NRG2: variants seen among roughly 807,000 people sequenced by gnomAD.
The protein encoded by NRG2 is pro-neuregulin-2, membrane-bound isoform.
Under a neutral mutation model 73.9 loss-of-function variants are expected in NRG2, and 27 were observed. That is an observed-to-expected ratio of 0.37 (90% confidence interval 0.27 to 0.50). The LOEUF (loss-of-function observed/expected upper bound fraction) is 0.50. Ranked by LOEUF, NRG2 falls within the 20% of genes least tolerant of loss-of-function variation. The probability of loss-of-function intolerance (pLI) is 0.96; values close to 1 mark genes in which losing one functional copy is unlikely to be tolerated. For synonymous variants in NRG2, 532 were observed against 541.0 expected (o/e 0.98, Z 0.23); for missense variants, 1,126 against 1,210.1 (o/e 0.93, Z 1.03).
At chr5:139,866,734 C>T (rs1250650529) in intron 4 of NRG2, among the ~76,000 whole-genome samples, 1 of 152,184 alleles carries the variant, frequency 6.6e-6, no homozygotes, top group Non-Finnish European at 1.5e-5. Flanking sequence ...TAAAGCACCC[C>T]CCACTCAATC....
chr5:139,850,838 C>T (rs1054896044), intron 9 of NRG2, among the ~76,000 whole-genome samples: 2 of 152,192 alleles, frequency 1.3e-5, no homozygotes, highest in Non-Finnish European at 2.9e-5. Flanking sequence ...TCTTGGCTCA[C>T]GTCCATCTTG....
At chr5:139,986,895 T>C (rs1757210209) in intron 1 of NRG2, among the ~76,000 whole-genome samples, 2 of 152,214 alleles carry the variant, frequency 1.3e-5, no homozygotes, top group African/African-American at 4.8e-5. Flanking sequence ...GGTAATTAAT[T>C]AATTCTTTTA....
chr5:139,974,826 C>A (rs1017641355), intron 1 of NRG2, among the ~76,000 whole-genome samples: 4 of 152,188 alleles, frequency 2.6e-5, no homozygotes, highest in African/African-American at 9.7e-5. Context: ...GTGCTCCTAC[C>A]TTTAGGGGGC....
chr5:139,855,382 T>C (rs1189709145), intron 6 of NRG2, among the ~76,000 whole-genome samples: 2 of 152,210 alleles, frequency 1.3e-5, no homozygotes, highest in Non-Finnish European at 2.9e-5. Context: ...CAAGGTTACA[T>C]GGGAAATAGC....
intron 1 of NRG2, among the ~76,000 whole-genome samples, chr5:139,964,247 C>G (rs1053363430): frequency 6.6e-6 from 1 of 152,176 alleles, no homozygotes; most frequent in Non-Finnish European, 1.5e-5. Flanking sequence ...AATTCCCAGC[C>G]TGGCCCTCCA....
chr5:139,928,821 G>GA (rs1205115912), intron 1 of NRG2, among the ~76,000 whole-genome samples: 2 of 152,178 alleles, frequency 1.3e-5, no homozygotes, highest in African/African-American at 4.8e-5. Context: ...CACTTGAGCT[G>GA]AAAATCCAGA....
At chr5:139,938,751 C>T (rs2126409500) in intron 1 of NRG2, among the ~76,000 whole-genome samples, 1 of 149,562 alleles carries the variant, frequency 6.7e-6, no homozygotes, top group Middle Eastern at 3.4e-3. Context: ...TGATTGTTGA[C>T]AAAGGTTTTA....
intron 1 of NRG2, among the ~76,000 whole-genome samples, chr5:139,997,448 TC>T (rs1758106902): frequency 6.6e-6 from 1 of 152,232 alleles, no homozygotes; most frequent in Non-Finnish European, 1.5e-5. Flanking sequence ...CAGTGCTGGC[TC>T]TAAGGGGTTA....
chr5:139,851,281 C>T lies in NRG2; in HGVS notation c.1772+323G>A, dbSNP rs1375952321. ...GGATTACAGGTGTGAGCCACCGCGCCCGGCTGCCTGTTTGTTCTTGATGTT... is the reference window on the plus strand; with the variant it reads ...GGATTACAGGTGTGAGCCACCGCGCTCGGCTGCCTGTTTGTTCTTGATGTT... On this transcript the variant is annotated intron_variant, in intron 9 of 9. Transcript: ENST00000361474. The surrounding 1 kb of genome is among the most constrained non-coding windows in gnomAD (Gnocchi z 4.2). Among the ~76,000 whole-genome samples the T allele has an allele frequency of 6.6e-6, 1 of 152,158 alleles. No individual in the cohort carries two copies. Among genetic ancestry groups the T allele is most frequent in the African/African-American group, 2.4e-5 (1 of 41,422 alleles).
At chr5:139,900,190 C>T (rs1443068919) in intron 1 of NRG2, among the ~76,000 whole-genome samples, 1 of 152,206 alleles carries the variant, frequency 6.6e-6, no homozygotes, top group African/African-American at 2.4e-5. Context: ...TCATTCCTCT[C>T]CTCACCAGAT....
intron 1 of NRG2, among the ~76,000 whole-genome samples, chr5:139,972,665 AG>A (rs1756061672): frequency 6.6e-6 from 1 of 152,246 alleles, no homozygotes; most frequent in Non-Finnish European, 1.5e-5. Flanking sequence ...CAGAGGTCAC[AG>A]TGAGCCGAGA....
intron 5 of NRG2, chr5:139,864,952 C>T: frequency 2.8e-6 from 2 of 717,076 alleles, no homozygotes; most frequent in Non-Finnish European, 5.2e-6. Flanking sequence ...GGAGGTACAG[C>T]CCACATGTGG....
At chr5:139,957,307 C>CTGTGTGTGTG (rs70988722) in intron 1 of NRG2, among the ~76,000 whole-genome samples, 3 of 143,888 alleles carry the variant, frequency 2.1e-5, no homozygotes, top group East Asian at 2.1e-4. Context: ...TCAAGAATCT[C>CTGTGTGTGTG]TGTGTGTGTG....
chr5:139,972,148 G>A (rs952711970), intron 1 of NRG2, among the ~76,000 whole-genome samples: 8 of 152,308 alleles, frequency 5.3e-5, no homozygotes, highest in Admixed American at 5.2e-4. Context: ...CATGTAGAAT[G>A]TTAAGTGACA....
In NRG2 at chr5:140,042,733, A is replaced by G. The variant is rs1287966894; in HGVS notation, c.337T>C (p.Tyr113His). Residue 113 changes from tyrosine (Y) to histidine (H), a missense_variant, in exon 1 of 10, where the codon TAC becomes CAC. Coordinates refer to ENST00000361474, the MANE Select transcript of NRG2 (RefSeq NM_004883.3). ...TGCACTGACTTGAGGCTGGGCGAGT[A>G]GCAGGCGAGCGACACACCGAAGAGC... The part of the protein sequence containing the change: ...MLLFGVSLAC[Y>H]SPSLKSVQDQ... The G allele has an allele frequency of 6.4e-7, 1 of 1,562,562 alleles. No homozygotes were observed. The highest frequency in any genetic ancestry group is 2.4e-5 in the East Asian group (1 of 41,774).
intron 1 of NRG2, among the ~76,000 whole-genome samples, chr5:140,037,691 C>G (rs1034984875): frequency 6.6e-6 from 1 of 152,168 alleles, no homozygotes; most frequent in African/African-American, 2.4e-5. Context: ...GGGTGGATCA[C>G]GAGGTCAGGA....
chr5:139,990,968 C>T (rs1469587806), intron 1 of NRG2, among the ~76,000 whole-genome samples: 1 of 152,020 alleles, frequency 6.6e-6, no homozygotes, highest in East Asian at 1.9e-4. Context: ...TTTCTTTAAG[C>T]GGTCTTTTGG....
rs543452241 is a variant in NRG2, at chr5:139,991,584, A to G, written c.700+50786T>C. ...CTGATTTTTGTATTTTTTAGTAGAGAAGAGGTTTCACCATTTTGGCCAGGC... is the reference window on the plus strand; with the variant it reads ...CTGATTTTTGTATTTTTTAGTAGAGGAGAGGTTTCACCATTTTGGCCAGGC... On this transcript the variant is annotated intron_variant, in intron 1 of 9. Coordinates refer to ENST00000361474, the MANE Select transcript of NRG2 (RefSeq NM_004883.3). 2.0e-4 allele frequency among the ~76,000 whole-genome samples: 31 copies of G among 152,210 alleles called. No homozygotes were observed. In the East Asian group the frequency reaches 5.6e-3, roughly 28 times the overall value.
chr5:140,017,413 C>T (rs265142), intron 1 of NRG2, among the ~76,000 whole-genome samples: 34,190 of 151,864 alleles, frequency 0.23, 4,026 homozygotes, highest in African/African-American at 0.28. Context: ...CCAACAACTC[C>T]GTAGTTGGAG....
Sources: allele counts gnomAD v4.1 joint callset (sites outside exome capture counted in the v4.1 genomes callset), GRCh38; gene constraint gnomAD v4.1.1; non-coding constraint Gnocchi (gnomAD v3.1); transcripts MANE v1.5; gene names NCBI Gene and HGNC (gene_info 2026-07-23, HGNC 2026-07-21).